Variants in SVIL observed in about 807,000 individuals in gnomAD.
The protein encoded by SVIL is supervillin, also known as archvillin.
A neutral mutation model predicts 240.4 loss-of-function variants in SVIL; 101 were observed. The observed-to-expected ratio is 0.42, with a 90% CI of 0.36 to 0.50. The LOEUF is 0.50. Among genes scored for constraint, SVIL ranks in the 20% least tolerant of loss-of-function variants. The pLI, the probability that SVIL is intolerant of heterozygous loss-of-function variation, is 0.01. For synonymous variants in SVIL, 999 were observed against 1,100.0 expected (o/e 0.91, Z 1.82); for missense variants, 2,512 against 2,818.7 (o/e 0.89, Z 2.46).
At chr10:29,529,116 C>T (rs1589127695) in intron 12 of SVIL, among the ~76,000 whole-genome samples, 1 of 128,970 alleles carries the variant, frequency 7.8e-6, no homozygotes, top group Non-Finnish European at 1.5e-5. Context: ...GCGGAGGTTG[C>T]AGTGAGCCGA....
rs193048237 is a variant in SVIL at position 29,705,691 on chromosome 10, T to C, written c.-399-19040A>G. ...TGTCATGTTCCCCTCCCTATGTCCATGTGTTCTCCTTGTTCAACTCCTACT... is the reference window on the plus strand; with the variant it reads ...TGTCATGTTCCCCTCCCTATGTCCACGTGTTCTCCTTGTTCAACTCCTACT... On this transcript the variant is annotated intron_variant, in intron 1 of 35. Transcript: ENST00000375400. 1.1e-4 allele frequency among the ~76,000 whole-genome samples: 16 copies of C among 152,236 alleles called. No homozygotes were observed. In the East Asian group the frequency reaches 3.1e-3, roughly 29 times the overall value.
intron 13 of SVIL, among the ~76,000 whole-genome samples, chr10:29,525,898 C>A (rs1950865015): frequency 6.6e-6 from 1 of 152,202 alleles, no homozygotes; most frequent in Non-Finnish European, 1.5e-5. Flanking sequence ...GCCTCAGAGT[C>A]CTCCGTGGAC....
intron 2 of SVIL, among the ~76,000 whole-genome samples, chr10:29,681,488 T>A (rs1195692585): frequency 1.4e-5 from 2 of 147,162 alleles, no homozygotes; most frequent in African/African-American, 5.0e-5. Context: ...GAGGAGGAGA[T>A]AAGAAGCATA....
chr10:29,628,552 G>C (rs1957962381), intron 1 of SVIL, among the ~76,000 whole-genome samples: 1 of 152,186 alleles, frequency 6.6e-6, no homozygotes, highest in Admixed American at 6.5e-5. Flanking sequence ...AGAGGCCTCT[G>C]ATGAACCTAA....
chr10:29,532,254 C>T (rs1256525271), intron 8 of SVIL, 82 bp from the exon 9 acceptor site: 64 of 1,502,562 alleles, frequency 4.3e-5, no homozygotes, highest in South Asian at 1.8e-4. Flanking sequence ...TATGCATCTC[C>T]GTGAGTCAAG....
intron 2 of SVIL, among the ~76,000 whole-genome samples, chr10:29,664,107 C>G (rs1464450679): frequency 6.6e-6 from 1 of 152,126 alleles, no homozygotes; most frequent in Non-Finnish European, 1.5e-5. Flanking sequence ...CACATCAGGT[C>G]CTCATACATT....
chr10:29,562,760 C>CAAA (rs1954607632), intron 3 of SVIL, among the ~76,000 whole-genome samples: 1 of 61,436 alleles, frequency 1.6e-5, no homozygotes. Context: ...GACTCCGTCT[C>CAAA]AAAAAAAAGA....
intron 1 of SVIL, among the ~76,000 whole-genome samples, chr10:29,602,831 C>CA (rs1484659862): frequency 6.6e-6 from 1 of 152,056 alleles, no homozygotes; most frequent in Non-Finnish European, 1.5e-5. Flanking sequence ...ACTAAAAATA[C>CA]AAAAATCAGC....
chr10:29,482,460 CAATT>C (rs1588914140), intron 27 of SVIL, among the ~76,000 whole-genome samples: 1 of 152,250 alleles, frequency 6.6e-6, no homozygotes, highest in Non-Finnish European at 1.5e-5. Context: ...GTTTCCCGTC[CAATT>C]AATTAATAGA....
intron 33 of SVIL, among the ~76,000 whole-genome samples, chr10:29,466,936 A>T (rs1017748433): frequency 2.0e-5 from 3 of 152,190 alleles, no homozygotes; most frequent in Non-Finnish European, 4.4e-5. Flanking sequence ...GCAGAGTATT[A>T]TGGAGCAGTT....
chr10:29,491,757 C>A (rs1249175557), intron 21 of SVIL, among the ~76,000 whole-genome samples: 2 of 152,136 alleles, frequency 1.3e-5, no homozygotes. Context: ...GGCGTCTTTA[C>A]GTACCATGGT....
chr10:29,611,855 C>T (rs1176180030), intron 1 of SVIL, among the ~76,000 whole-genome samples: 1 of 152,086 alleles, frequency 6.6e-6, no homozygotes, highest in Non-Finnish European at 1.5e-5. Context: ...AGCTTAAAGG[C>T]TTAAGACTGC....
chr10:29,480,619 G>C lies in SVIL; in HGVS notation c.5295C>G (p.Ser1765Arg), dbSNP rs746950729. The change falls in exon 29 of 38, where the codon AGC becomes AGG. Residue 1765 changes from serine to arginine, a missense_variant. Ser to Arg is a moderately radical substitution (Grantham distance 110, BLOSUM62 -1). This residue lies in a region of SVIL where 797 missense variants were observed against 925.3 expected (regional missense o/e 0.86). Transcript: ENST00000355867. ...DVWHILEFDY[S>R]RLPKQSIGQF... ...GCCCGATGCTTTGTTTGGGGAGCCTGCTATAGTCGAATTCCAGGATGTGCC... is the reference window on the plus strand; with the variant it reads ...GCCCGATGCTTTGTTTGGGGAGCCTCCTATAGTCGAATTCCAGGATGTGCC... 6.2e-7 allele frequency: 1 copy of C among 1,614,212 alleles called. No individual in the cohort carries two copies. The highest frequency in any genetic ancestry group is 1.1e-5 in the South Asian group (1 of 91,086).
chr10:29,466,053 A>C (rs1944872300), intron 33 of SVIL, among the ~76,000 whole-genome samples: 1 of 152,164 alleles, frequency 6.6e-6, no homozygotes, highest in Non-Finnish European at 1.5e-5. Flanking sequence ...TAATACATGA[A>C]GGGACATACA....
chr10:29,649,784 C>G (rs977103502), intron 3 of SVIL, among the ~76,000 whole-genome samples: 2 of 152,154 alleles, frequency 1.3e-5, no homozygotes, highest in Admixed American at 6.6e-5. Flanking sequence ...GAATGCGTCC[C>G]CCAGAGTTCA....
chr10:29,499,343 T>A lies in SVIL; in HGVS notation c.3517-80A>T. ...ACCTCAGCCTGCAGCATTTCATGAG[T>A]GAAAAAAGCAGGTTGACAAAGAGGA... On this transcript the variant is annotated intron_variant, in intron 17 of 37. Transcript: ENST00000355867. 3 of 1,566,784 alleles carry A rather than the reference T, an allele frequency of 1.9e-6. 1 individual carries two copies. In the South Asian group the frequency reaches 3.4e-5, roughly 18 times the overall value.
chr10:29,495,572 G>A (rs1380640156), intron 18 of SVIL, among the ~76,000 whole-genome samples: 1 of 152,170 alleles, frequency 6.6e-6, no homozygotes, highest in East Asian at 1.9e-4. Flanking sequence ...GCCAGCAAGT[G>A]GCCCCCCGCA....
Position 29,462,350 on chromosome 10 carries a change from A to G in SVIL, c.6329T>C (p.Leu2110Pro). The change falls in exon 36 of 38, where the codon CTG becomes CCG. Residue 2110 changes from leucine to proline, a missense_variant. Coordinates refer to ENST00000355867, the MANE Select transcript of SVIL (RefSeq NM_021738.3). ...CATATTGGTGAATGTCAGGGGCTCC[A>G]GACCAGCGTGGATAAGGTAAGACTT... ...APKSYLIHAG[L>P]EPLTFTNMFP... 6.2e-7 allele frequency: 1 copy of G among 1,614,208 alleles called. No homozygotes were observed. The highest frequency in any genetic ancestry group is 8.5e-7 in the Non-Finnish European group (1 of 1,180,028).
chr10:29,524,467 C>A lies in SVIL; in HGVS notation c.2586+5G>T, dbSNP rs1255099546. 6 of 1,597,816 alleles carry A rather than the reference C, an allele frequency of 3.8e-6. No individual in the cohort carries two copies. The East Asian group carries it at 1.3e-4, about 36-fold the overall frequency. On this transcript the variant is annotated splice_donor_5th_base_variant and intron_variant, in intron 14 of 37. Coordinates refer to ENST00000355867, the MANE Select transcript of SVIL (RefSeq NM_021738.3). Reference sequence around the variant, plus strand: ...CAAACTGCAATCGGACTATAGCACACCCACCTGCTCCACCTCTCCCAGTGT... The same window carrying A: ...CAAACTGCAATCGGACTATAGCACAACCACCTGCTCCACCTCTCCCAGTGT...
Sources: allele counts gnomAD v4.1 joint callset (sites outside exome capture counted in the v4.1 genomes callset), GRCh38; gene constraint gnomAD v4.1.1; regional missense constraint gnomAD v4.1.1; transcripts MANE v1.5; gene names NCBI Gene and HGNC (gene_info 2026-07-23, HGNC 2026-07-21).